CXCL13: variants seen among roughly 807,000 people sequenced by gnomAD.
The protein encoded by CXCL13 is C-X-C motif chemokine ligand 13, also known as C-X-C motif chemokine 13.
Under a neutral mutation model 12.2 loss-of-function variants are expected in CXCL13, and 7 were observed. That is an observed-to-expected ratio of 0.57 (90% CI 0.33 to 1.07). The LOEUF (loss-of-function observed/expected upper bound fraction) is 1.07, where lower values mean the gene tolerates loss of function less well. CXCL13 is among the 50% of genes least tolerant of loss of function. The probability of loss-of-function intolerance (pLI) is 0.04; values close to 1 mark genes in which losing one functional copy is unlikely to be tolerated. For synonymous variants in CXCL13, 47 were observed against 42.4 expected (o/e 1.11, Z -0.42); for missense variants, 113 against 127.4 (o/e 0.89, Z 0.55).
chr4:77,554,901 A>G (rs989641671), intron 1 of CXCL13, among the ~76,000 whole-genome samples: 3 of 152,088 alleles, frequency 2.0e-5, no homozygotes, highest in African/African-American at 7.2e-5. Context: ...AATACAATAC[A>G]TCATAATTTG....
At chr4:77,577,978 A>G (rs1318070998) in intron 1 of CXCL13, among the ~76,000 whole-genome samples, 1 of 151,834 alleles carries the variant, frequency 6.6e-6, no homozygotes, top group Non-Finnish European at 1.5e-5. Context: ...ACTATGCGAC[A>G]CTCCCCTCAG....
intron 1 of CXCL13, among the ~76,000 whole-genome samples, chr4:77,561,776 AC>A: frequency 6.6e-6 from 1 of 152,268 alleles, no homozygotes; most frequent in East Asian, 1.9e-4. Flanking sequence ...GCCTCGGTGC[AC>A]ACTCTGGCAG....
chr4:77,586,168 A>G (rs1553917650), intron 1 of CXCL13, among the ~76,000 whole-genome samples: 1 of 151,990 alleles, frequency 6.6e-6, no homozygotes, highest in Non-Finnish European at 1.5e-5. Flanking sequence ...AATCTCAGTG[A>G]CCATATGCAT....
chr4:77,553,741 T>A (rs140402031), intron 1 of CXCL13, among the ~76,000 whole-genome samples: 1 of 152,334 alleles, frequency 6.6e-6, no homozygotes, highest in African/African-American at 2.4e-5. Flanking sequence ...AAAGAGTTGA[T>A]CTTTGTGTAC....
chr4:77,601,204 A>C (rs146493759), upstream of CXCL13, among the ~76,000 whole-genome samples: 9 of 152,312 alleles, frequency 5.9e-5, no homozygotes, highest in East Asian at 1.7e-3. Flanking sequence ...CCTTTGAAAA[A>C]TGTCTTTTCT....
intron 1 of CXCL13, among the ~76,000 whole-genome samples, chr4:77,594,136 C>T (rs1042915609): frequency 6.6e-6 from 1 of 152,150 alleles, no homozygotes; most frequent in Non-Finnish European, 1.5e-5. Flanking sequence ...CAGTGTGATG[C>T]AAAAAGCACT....
intron 1 of CXCL13, among the ~76,000 whole-genome samples, chr4:77,518,690 A>G (rs893136147): frequency 2.0e-5 from 3 of 152,106 alleles, no homozygotes; most frequent in African/African-American, 7.2e-5. Context: ...CTAGTTATAC[A>G]TTCGTCTAAA....
intron 1 of CXCL13, among the ~76,000 whole-genome samples, chr4:77,562,237 G>A (rs1280676843): frequency 7.1e-6 from 1 of 141,390 alleles, no homozygotes; most frequent in Non-Finnish European, 1.5e-5. Context: ...CCCACCATGG[G>A]CTCCTGCGAG....
rs972603120 is a variant in CXCL13, at chr4:77,611,467, G to A, written c.*428G>A. The stretch of plus-strand genomic sequence containing the variant: ...TATGAAAGACTCAAAAAGCTGCCTG[G>A]GAGGCAGATGGAACTTGAGCCTGTC... On this transcript the variant is annotated 3_prime_UTR_variant, in exon 4 of 4. Coordinates refer to ENST00000682537, the MANE Select transcript of CXCL13 (RefSeq NM_001371558.1). 5.1e-5 allele frequency: 20 copies of A among 391,796 alleles called. No homozygotes were observed. Among genetic ancestry groups the A allele is most frequent in the African/African-American group, 2.1e-5 (1 of 48,510 alleles). 24.3% of individuals were successfully genotyped at this position (391,796 alleles called of 1,614,324 possible).
chr4:77,516,923 T>A (rs1724435960), intron 1 of CXCL13, among the ~76,000 whole-genome samples: 1 of 152,214 alleles, frequency 6.6e-6, no homozygotes, highest in East Asian at 1.9e-4. Context: ...GGATCTTTCC[T>A]GCTTTCTCTT....
intron 1 of CXCL13, among the ~76,000 whole-genome samples, chr4:77,589,542 G>A (rs1276899184): frequency 1.3e-5 from 1 of 75,222 alleles, no homozygotes; most frequent in Admixed American, 1.4e-4. Flanking sequence ...TTGTAGGCAG[G>A]TATGTATGTA....
In CXCL13 at chr4:77,551,708, C is replaced by G. The variant is rs1429983866; in HGVS notation, c.-43+39920C>G. On this transcript the variant is annotated intron_variant, in intron 1 of 4. Coordinates refer to the CXCL13 transcript ENST00000286758. ...ACGTTTATTTTCTTTTTTTCCATTTCTCTCAGGAATGTCAATAATTCATAA... is the reference window on the plus strand; with the variant it reads ...ACGTTTATTTTCTTTTTTTCCATTTGTCTCAGGAATGTCAATAATTCATAA... 2.0e-5 allele frequency among the ~76,000 whole-genome samples: 3 copies of G among 152,144 alleles called. 1 individual carries two copies. Among genetic ancestry groups the G allele is most frequent in the African/African-American group, 7.2e-5 (3 of 41,442 alleles).
chr4:77,608,140 G>C (rs1469257392), intron 2 of CXCL13, among the ~76,000 whole-genome samples: 1 of 152,110 alleles, frequency 6.6e-6, no homozygotes, highest in African/African-American at 2.4e-5. Context: ...CATCAGAAAG[G>C]ATTAGAAAGT....
At chr4:77,526,024 T>G (rs192110402) in intron 1 of CXCL13, among the ~76,000 whole-genome samples, 3 of 151,756 alleles carry the variant, frequency 2.0e-5, no homozygotes, top group African/African-American at 7.3e-5. Flanking sequence ...TGAAAAAGCA[T>G]TTAAAAAAAC....
chr4:77,602,707 T>A (rs1726906606), upstream of CXCL13, among the ~76,000 whole-genome samples: 2 of 152,236 alleles, frequency 1.3e-5, no homozygotes, highest in Admixed American at 6.5e-5. Context: ...AGGTTTGATA[T>A]AAACCAAGTT....
intron 1 of CXCL13, among the ~76,000 whole-genome samples, chr4:77,597,069 G>C (rs1726785000): frequency 6.6e-6 from 1 of 152,098 alleles, no homozygotes; most frequent in South Asian, 2.1e-4. Context: ...ACATAAAGAA[G>C]CATATTGCAT....
intron 1 of CXCL13, among the ~76,000 whole-genome samples, chr4:77,514,591 G>A (rs1383289152): frequency 2.0e-5 from 3 of 147,282 alleles, no homozygotes; most frequent in East Asian, 2.0e-4. Flanking sequence ...TTTTTTGGCT[G>A]CATAAATGTC....
At chr4:77,521,012 A>T (rs1014341478) in intron 1 of CXCL13, among the ~76,000 whole-genome samples, 11 of 152,140 alleles carry the variant, frequency 7.2e-5, no homozygotes, top group Non-Finnish European at 1.3e-4. Context: ...TATGTGATGG[A>T]TTATGTTTAT....
chr4:77,532,504 G>A (rs1183422700), intron 1 of CXCL13, among the ~76,000 whole-genome samples: 2 of 152,110 alleles, frequency 1.3e-5, no homozygotes, highest in South Asian at 2.1e-4. Flanking sequence ...CAACTTTGGT[G>A]AATCTGACAA....
Sources: allele counts gnomAD v4.1 joint callset (sites outside exome capture counted in the v4.1 genomes callset), GRCh38; gene constraint gnomAD v4.1.1; transcripts MANE v1.5; gene names NCBI Gene and HGNC (gene_info 2026-07-23, HGNC 2026-07-21).